DNA2: variants seen among roughly 807,000 people sequenced by gnomAD.
DNA2 encodes the protein DNA replication ATP-dependent helicase/nuclease DNA2.
A neutral mutation model predicts 119.1 loss-of-function variants in DNA2; 101 were observed. That is an observed-to-expected ratio of 0.85 (90% CI 0.72 to 1.00). The LOEUF (loss-of-function observed/expected upper bound fraction) is 1.00. DNA2 is among the 50% of genes least tolerant of loss of function. The pLI is 0.00. For missense variants in DNA2, 1,121 were observed against 1,255.5 expected (o/e 0.89, Z 1.62); for synonymous variants, 366 against 424.4 (o/e 0.86, Z 1.69).
intron 19 of DNA2, among the ~76,000 whole-genome samples, chr10:68,417,103 G>A (rs2051598815): frequency 6.6e-6 from 1 of 152,002 alleles, no homozygotes; most frequent in Non-Finnish European, 1.5e-5. Flanking sequence ...AATCAGCCAG[G>A]CGTGGTGGTG....
chr10:68,442,068 C>A (rs1005591445), intron 9 of DNA2, among the ~76,000 whole-genome samples: 2 of 151,862 alleles, frequency 1.3e-5, no homozygotes, highest in Admixed American at 6.6e-5. Context: ...ACATGCACGA[C>A]CACACCTAGG....
In DNA2 at chr10:68,422,209, A is replaced by G. The variant is rs2051674214; in HGVS notation, c.2697+16T>C. ...GGACAAAATGAGAAAAACTAAACAG[A>G]AATTTTTTTTTTTACCTTGTCTGTA... On this transcript the variant is annotated intron_variant, in intron 17 of 20. Coordinates refer to ENST00000358410, the MANE Select transcript of DNA2 (RefSeq NM_001080449.3). 1.3e-6 allele frequency: 2 copies of G among 1,512,008 alleles called. No homozygotes were observed. 93.7% of individuals were successfully genotyped at this position (1,512,008 alleles called of 1,614,324 possible). A position where few individuals can be genotyped will look rare whatever the true frequency, so the allele number is the denominator to read the frequency against.
chr10:68,463,561 C>T (rs1028762629), intron 4 of DNA2, among the ~76,000 whole-genome samples: 20 of 150,368 alleles, frequency 1.3e-4, no homozygotes, highest in Admixed American at 4.0e-4. Context: ...AGATCAGATA[C>T]TCGGGAGGGT....
chr10:68,471,768 C>T (rs762672713), intron 1 of DNA2, 23 bp downstream of exon 1: 1 of 1,573,938 alleles, frequency 6.4e-7, no homozygotes. Context: ...TTTGTTCCCA[C>T]ACCCTCCCCC....
intron 5 of DNA2, 100 bp downstream of exon 5, chr10:68,459,004 T>C: frequency 9.2e-7 from 1 of 1,091,578 alleles, no homozygotes; most frequent in Non-Finnish European, 1.2e-6. Context: ...AATGGCTAAT[T>C]GTAATTACTC....
chr10:68,456,931 G>A (rs546287014), intron 5 of DNA2, among the ~76,000 whole-genome samples: 17 of 151,568 alleles, frequency 1.1e-4, no homozygotes, highest in South Asian at 6.3e-4. Flanking sequence ...TCAGGAGATC[G>A]AGACCATCCT....
upstream of DNA2, among the ~76,000 whole-genome samples, chr10:68,472,334 G>C (rs541351797): frequency 6.6e-6 from 1 of 152,136 alleles, no homozygotes; most frequent in Non-Finnish European, 1.5e-5. Context: ...TTAGCCTTCA[G>C]AATTGTGCAC....
intron 5 of DNA2, among the ~76,000 whole-genome samples, chr10:68,456,230 G>C (rs1412972963): frequency 6.6e-6 from 1 of 150,618 alleles, no homozygotes; most frequent in Non-Finnish European, 1.5e-5. Flanking sequence ...AAAACAGAGA[G>C]AGAAAAAAAA....
Position 68,442,938 on chromosome 10 carries a change from C to G in DNA2, c.1394G>C (p.Trp465Ser). ...TTACATTTCCGAAGCAGGCATTAGC[C>G]AGATATTTTGGTGATTCTTTTTATT... ...KDNKKNHQNI[W>S]LMPASEMEKS... The change falls in exon 9 of 21, where the codon TGG becomes TCG. Residue 465 changes from tryptophan to serine, a missense_variant. Trp to Ser is a radical substitution (Grantham distance 177, BLOSUM62 -3). Coordinates refer to ENST00000358410, the MANE Select transcript of DNA2 (RefSeq NM_001080449.3). 1.2e-6 allele frequency: 2 copies of G among 1,612,066 alleles called. No individual in the cohort carries two copies. The highest frequency in any genetic ancestry group is 4.5e-5 in the East Asian group (2 of 44,844).
chr10:68,436,928 T>G, intron 10 of DNA2, 83 bp downstream of exon 10: 1 of 1,100,602 alleles, frequency 9.1e-7, no homozygotes, highest in Non-Finnish European at 1.3e-6. Flanking sequence ...AACCAGCGAA[T>G]TGTACATTTT....
At chr10:68,465,473 ATT>A in intron 4 of DNA2, among the ~76,000 whole-genome samples, 192 bp downstream of exon 4, 1 of 152,178 alleles carries the variant, frequency 6.6e-6, no homozygotes, top group East Asian at 1.9e-4. Context: ...ATATTTAGGT[ATT>A]TTTACCCAAA....
intron 10 of DNA2, among the ~76,000 whole-genome samples, chr10:68,436,044 C>T (rs578164704): frequency 6.6e-6 from 1 of 152,098 alleles, no homozygotes; most frequent in Non-Finnish European, 1.5e-5. Flanking sequence ...AAATGTTAAA[C>T]ATGAAATTAG....
intron 7 of DNA2, 77 bp from the exon 8 acceptor site, chr10:68,445,160 T>C (rs1234677995): frequency 2.9e-6 from 4 of 1,364,464 alleles, no homozygotes; most frequent in African/African-American, 2.9e-5. Context: ...TATGTAAAAC[T>C]TGCAGATTTA....
intron 3 of DNA2, among the ~76,000 whole-genome samples, chr10:68,466,239 GC>G (rs1460743038): frequency 6.6e-6 from 1 of 151,928 alleles, no homozygotes; most frequent in African/African-American, 2.4e-5. Context: ...TGTTGGCCAG[GC>G]TGATATGAAT....
chr10:68,457,681 A>C (rs201960376), intron 5 of DNA2, among the ~76,000 whole-genome samples: 3 of 152,074 alleles, frequency 2.0e-5, no homozygotes, highest in South Asian at 4.2e-4. Flanking sequence ...TATTTGCTAA[A>C]TGAATAACAG....
chr10:68,436,338 G>T (rs945292354), intron 10 of DNA2, among the ~76,000 whole-genome samples: 1 of 152,156 alleles, frequency 6.6e-6, no homozygotes, highest in Non-Finnish European at 1.5e-5. Flanking sequence ...CGTATTGTAT[G>T]GTTCCACTTA....
At chr10:68,447,784 C>T (rs994385391) in intron 6 of DNA2, among the ~76,000 whole-genome samples, 8 of 151,564 alleles carry the variant, frequency 5.3e-5, no homozygotes, top group African/African-American at 1.7e-4. Context: ...GAGATCGAGA[C>T]CATCCTGGCT....
chr10:68,457,029 G>A (rs898836974), intron 5 of DNA2, among the ~76,000 whole-genome samples: 4 of 151,740 alleles, frequency 2.6e-5, no homozygotes, highest in African/African-American at 7.3e-5. Context: ...AGCTACTCAG[G>A]AGGCTGAGGC....
chr10:68,441,212 C>T (rs893271475), intron 9 of DNA2, among the ~76,000 whole-genome samples: 4 of 151,204 alleles, frequency 2.6e-5, no homozygotes, highest in Non-Finnish European at 5.9e-5. Context: ...CACCTATGGT[C>T]CTAGCTACTC....
Sources: gnomAD v4.1 joint callset for allele counts (sites outside exome capture counted in the v4.1 genomes callset) on GRCh38, gnomAD v4.1.1 for gene constraint, MANE v1.5 for transcripts, NCBI Gene and HGNC (gene_info 2026-07-23, HGNC 2026-07-21) for gene names.